Variants in ZBED6 observed in about 807,000 individuals in gnomAD.
ZBED6 encodes zinc finger BED-type containing 6.
A neutral mutation model predicts 58.4 loss-of-function variants in ZBED6; 40 were observed. The observed-to-expected ratio is 0.68, with a 90% CI of 0.53 to 0.89. The LOEUF (loss-of-function observed/expected upper bound fraction) is 0.89, where lower values mean the gene tolerates loss of function less well. Among genes scored for constraint, ZBED6 ranks in the 40% least tolerant of loss-of-function variants. The pLI is 0.00. For missense variants in ZBED6, 1,057 were observed against 1,003.9 expected (o/e 1.05, Z -0.71); for synonymous variants, 439 against 350.6 (o/e 1.25, Z -2.82).
Position 203,798,894 on chromosome 1 carries a change from C to T in ZBED6, c.1372C>T (p.Pro458Ser), listed in dbSNP as rs895846502. 1 of 1,536,054 alleles carries T rather than the reference C, an allele frequency of 6.5e-7. No individual in the cohort carries two copies. Among genetic ancestry groups the T allele is most frequent in the African/African-American group, 1.4e-5 (1 of 73,134 alleles). Residue 458 changes from proline to serine, a missense_variant, in exon 1 of 17, where the codon CCT (proline) becomes TCT (serine). Physicochemically the swap from Pro to Ser is moderately conservative, Grantham distance 74 (BLOSUM62 -1). Coordinates refer to ENST00000550078, the Ensembl canonical transcript of ZBED6. ...GACTTACTTTTTCACTAAGGCTGTA[C>T]CTCAGTTATATGATTGTGTCAGAGA...
intron 11 of ZBED6, among the ~76,000 whole-genome samples, chr1:203,843,673 C>T (rs965982074): frequency 3.9e-5 from 6 of 152,160 alleles, no homozygotes; most frequent in African/African-American, 1.4e-4. Flanking sequence ...ACTTCATTTA[C>T]AAAATTAGGT....
At chr1:203,839,245 G>T (rs573807698) in intron 10 of ZBED6, among the ~76,000 whole-genome samples, 1 of 152,344 alleles carries the variant, frequency 6.6e-6, no homozygotes, top group South Asian at 2.1e-4. Flanking sequence ...AGGTTTCACA[G>T]TGTTGCCTAG....
chr1:203,827,629 C>T (rs12068113), intron 3 of ZBED6, among the ~76,000 whole-genome samples: 22,453 of 150,208 alleles, frequency 0.15, 1,903 homozygotes, highest in East Asian at 0.29. Context: ...TTGCAGTGAG[C>T]GGAGATCGCG....
chr1:203,830,925 ATTTTTTTTTTTTTTTTTTTTT>A (rs774771270), intron 7 of ZBED6, among the ~76,000 whole-genome samples: 9 of 51,388 alleles, frequency 1.8e-4, no homozygotes, highest in South Asian at 8.7e-4. Context: ...CCAACCCCCA[ATTTTTTTTTTTTTTTTTTTTT>A]TTTTTTTTTT....
chr1:203,814,222 T>C (rs1675473872), intron 1 of ZBED6, among the ~76,000 whole-genome samples: 1 of 152,154 alleles, frequency 6.6e-6, no homozygotes, highest in African/African-American at 2.4e-5. Flanking sequence ...CTCTGCCACT[T>C]TTTAACAGGA....
intron 1 of ZBED6, among the ~76,000 whole-genome samples, chr1:203,803,959 A>G (rs1334608564): frequency 6.6e-6 from 1 of 152,262 alleles, no homozygotes; most frequent in Non-Finnish European, 1.5e-5. Flanking sequence ...AGTTCCAGTA[A>G]TAAACTCTAA....
chr1:203,847,808 C>A, intron 12 of ZBED6, 121 bp downstream of exon 12: 1 of 1,410,680 alleles, frequency 7.1e-7, no homozygotes, highest in Non-Finnish European at 9.5e-7. Context: ...GTTGAAAACA[C>A]TGAATTAAAT....
chr1:203,826,596 T>G (rs1405542511), intron 3 of ZBED6, among the ~76,000 whole-genome samples: 1 of 152,136 alleles, frequency 6.6e-6, no homozygotes, highest in Non-Finnish European at 1.5e-5. Flanking sequence ...CTCAATATAG[T>G]AGATTTTGAC....
exon 1 of ZBED6, chr1:203,798,315 A>G: frequency 6.5e-7 from 1 of 1,536,180 alleles, no homozygotes; most frequent in Non-Finnish European, 8.7e-7. Context: ...AACTAGAGCC[A>G]AGACATCTGC....
rs1677225482 is a variant in ZBED6, at chr1:203,818,805, C to G, written c.*2873+116C>G. On this transcript the variant is annotated intron_variant, in intron 3 of 16. Coordinates refer to ENST00000550078, the Ensembl canonical transcript of ZBED6. ...TATATTAAGGCTGAGTGCAGTGGCT[C>G]ATGCCTGTAGTTCCAGCACTTTGGG... 2.0e-5 allele frequency: 29 copies of G among 1,482,862 alleles called. No individual in the cohort carries two copies. The South Asian group carries it at 2.9e-4, about 15-fold the overall frequency. The allele number at this position is 1,482,862 out of a possible 1,614,324, so 91.9% of individuals were successfully genotyped here.
exon 1 of ZBED6, chr1:203,796,427 G>C: frequency 5.0e-6 from 2 of 399,048 alleles, no homozygotes; most frequent in Non-Finnish European, 8.8e-6. Context: ...AAGAGCAACA[G>C]GGACACTTCC....
At chr1:203,850,265 T>C in intron 14 of ZBED6, 1 of 653,838 alleles carries the variant, frequency 1.5e-6, no homozygotes, top group Non-Finnish European at 2.6e-6. Flanking sequence ...GCATCTTTCC[T>C]CTGGTATTGA....
chr1:203,804,217 T>G (rs1671442083), intron 1 of ZBED6, among the ~76,000 whole-genome samples: 2 of 150,898 alleles, frequency 1.3e-5, no homozygotes, highest in South Asian at 4.2e-4. Context: ...AGTGGCGTGA[T>G]CTCGATTCAC....
intron 2 of ZBED6, among the ~76,000 whole-genome samples, 167 bp downstream of exon 2, chr1:203,817,291 T>G (rs1676674203): frequency 1.3e-5 from 2 of 152,160 alleles, no homozygotes; most frequent in African/African-American, 4.8e-5. Flanking sequence ...TAATTCAGTG[T>G]TTTTTTCTTT....
At chr1:203,836,085 G>GA (rs1191492000) in intron 9 of ZBED6, among the ~76,000 whole-genome samples, 2 of 152,118 alleles carry the variant, frequency 1.3e-5, no homozygotes, top group Non-Finnish European at 2.9e-5. Flanking sequence ...ATTTTAGGTA[G>GA]AAAAAAATAA....
chr1:203,834,655 T>C (rs760438515), intron 9 of ZBED6, among the ~76,000 whole-genome samples: 6 of 152,282 alleles, frequency 3.9e-5, no homozygotes, highest in Admixed American at 2.0e-4. Context: ...CAAAAAATTA[T>C]TATTATCATT....
exon 17 of ZBED6, chr1:203,852,507 C>T (rs1302885242): frequency 5.4e-6 from 7 of 1,306,294 alleles, no homozygotes; most frequent in Non-Finnish European, 7.3e-6. Context: ...TAGAATTTGC[C>T]CCAAATCAGA....
chr1:203,800,366 G>C lies in ZBED6; in HGVS notation c.2844G>C (p.Leu948Phe), dbSNP rs765276335. 179 of 974,948 alleles carry C rather than the reference G, an allele frequency of 1.8e-4. No homozygotes were observed. In the African/African-American group the frequency reaches 2.4e-3, roughly 13 times the overall value. The allele number at this position is 974,948 out of a possible 1,614,324, so 60.4% of individuals were successfully genotyped here. The change falls in exon 1 of 17, where the codon TTG (leucine) becomes TTC (phenylalanine). Residue 948 changes from leucine (L) to phenylalanine (F), a missense_variant. By Grantham distance (22) the Leu-to-Phe change is conservative. Coordinates refer to ENST00000550078, the Ensembl canonical transcript of ZBED6. Reference sequence around the variant, plus strand: ...AACTGATGTTTCTGAAAATGAACTTGAAAAATGTTAACTACGATTATTCTA... The same window carrying C: ...AACTGATGTTTCTGAAAATGAACTTCAAAAATGTTAACTACGATTATTCTA...
intron 14 of ZBED6, 36 bp downstream of exon 14, chr1:203,850,062 T>C: frequency 5.7e-6 from 9 of 1,589,778 alleles, no homozygotes; most frequent in Non-Finnish European, 7.7e-6. Flanking sequence ...CTTTAGGTTA[T>C]CAAAATTACC....
Sources: allele counts gnomAD v4.1 joint callset (sites outside exome capture counted in the v4.1 genomes callset), GRCh38; gene constraint gnomAD v4.1.1; transcripts MANE v1.5; gene names NCBI Gene and HGNC (gene_info 2026-07-23, HGNC 2026-07-21).